Variants in OR1J2 observed in about 807,000 individuals in gnomAD.
The protein encoded by OR1J2 is olfactory receptor family 1 subfamily J member 2, also known as olfactory receptor 1J2.
For missense variants in OR1J2, 304 were observed against 246.1 expected (o/e 1.24, Z -1.57); for synonymous variants, 142 against 99.7 (o/e 1.42, Z -2.52).
the OR1J2 span, chr9:122,447,559 G>A: frequency 6.6e-6 from 1 of 152,036 alleles, no homozygotes; most frequent in Non-Finnish European, 1.5e-5. Context: ...CGTATCAAAT[G>A]AGACAAGGGC....
At chr9:122,526,956 A>C in the OR1J2 span, 1 of 1,614,248 alleles carries the variant, frequency 6.2e-7, no homozygotes, top group Non-Finnish European at 8.5e-7. Context: ...CATGGCAGCC[A>C]GGAAGAAGCT....
At chr9:122,487,817 G>C in the OR1J2 span, among the ~76,000 whole-genome samples, 1 of 152,130 alleles carries the variant, frequency 6.6e-6, no homozygotes, top group Admixed American at 6.5e-5. Context: ...ATGTGCCTTT[G>C]CCGGACACCA....
the OR1J2 span, among the ~76,000 whole-genome samples, chr9:122,538,743 C>T: frequency 1.3e-5 from 2 of 152,154 alleles, no homozygotes; most frequent in Admixed American, 6.5e-5. Flanking sequence ...ATGTCCTTTG[C>T]AGCAACATGG....
chr9:122,462,895 T>C, the OR1J2 span, among the ~76,000 whole-genome samples: 1 of 152,240 alleles, frequency 6.6e-6, no homozygotes, highest in Non-Finnish European at 1.5e-5. Context: ...TTCATGACTA[T>C]GTACCAAGGC....
the OR1J2 span, among the ~76,000 whole-genome samples, chr9:122,546,629 C>T: frequency 1.3e-5 from 2 of 152,134 alleles, no homozygotes; most frequent in Non-Finnish European, 2.9e-5. Context: ...AGATCCTCTT[C>T]TTTCACTTTA....
the OR1J2 span, among the ~76,000 whole-genome samples, chr9:122,530,031 C>T: frequency 6.6e-6 from 1 of 152,200 alleles, no homozygotes; most frequent in East Asian, 1.9e-4. Flanking sequence ...ATACAAATGG[C>T]AAACAGCTGG....
At chr9:122,553,281 C>T in the OR1J2 span, 8 of 1,613,764 alleles carry the variant, frequency 5.0e-6, no homozygotes, top group Non-Finnish European at 6.8e-6. Context: ...CTCTGAGTGG[C>T]CAGAGGAGCA....
chr9:122,493,773 G>A, the OR1J2 span, among the ~76,000 whole-genome samples: 3 of 152,038 alleles, frequency 2.0e-5, no homozygotes, highest in African/African-American at 2.4e-5. Flanking sequence ...CCAGTTCCAT[G>A]AGGTGTGATC....
chr9:122,537,918 G>T, the OR1J2 span, among the ~76,000 whole-genome samples: 4 of 152,094 alleles, frequency 2.6e-5, no homozygotes, highest in South Asian at 6.2e-4. Flanking sequence ...AGTGATGAGG[G>T]CTGGGCATCT....
the OR1J2 span, among the ~76,000 whole-genome samples, chr9:122,539,876 C>T: frequency 1.3e-3 from 201 of 152,248 alleles, no homozygotes; most frequent in African/African-American, 4.7e-3. Flanking sequence ...TGATGATGAG[C>T]ATTTTTTCAT....
chr9:122,551,684 G>C, the OR1J2 span, among the ~76,000 whole-genome samples: 35,090 of 151,890 alleles, frequency 0.23, 4,229 homozygotes, highest in Middle Eastern at 0.29. Context: ...GGGAAAGAGA[G>C]GTCCTCAGCT....
the OR1J2 span, among the ~76,000 whole-genome samples, chr9:122,555,553 C>G: frequency 6.6e-6 from 1 of 152,148 alleles, no homozygotes; most frequent in African/African-American, 2.4e-5. Context: ...AAGATCCCCA[C>G]CTTTGCCCTC....
chr9:122,472,783 A>G, the OR1J2 span, among the ~76,000 whole-genome samples: 1 of 152,134 alleles, frequency 6.6e-6, no homozygotes, highest in African/African-American at 2.4e-5. Context: ...ACTCCCTCTG[A>G]CCTCATTGAG....
At chr9:122,527,439 C>T in the OR1J2 span, 7 of 606,454 alleles carry the variant, frequency 1.2e-5, no homozygotes, top group African/African-American at 1.1e-4. Context: ...CTTCTTTTCT[C>T]TCTTCATCAG....
At chr9:122,448,679 A>G in the OR1J2 span, among the ~76,000 whole-genome samples, 8 of 152,240 alleles carry the variant, frequency 5.3e-5, no homozygotes, top group South Asian at 1.7e-3. Flanking sequence ...AATGGTGATG[A>G]CTTTTACCCA....
the OR1J2 span, among the ~76,000 whole-genome samples, chr9:122,556,376 A>G: frequency 1.3e-5 from 2 of 152,010 alleles, no homozygotes; most frequent in African/African-American, 4.8e-5. Flanking sequence ...CTTTGTCAAA[A>G]ATCAGTTGAC....
the OR1J2 span, among the ~76,000 whole-genome samples, chr9:122,462,120 G>A: frequency 1.3e-5 from 2 of 152,112 alleles, no homozygotes; most frequent in East Asian, 3.9e-4. Flanking sequence ...GCATATATAT[G>A]TGGAATTGTC....
At chr9:122,468,655 G>A in the OR1J2 span, among the ~76,000 whole-genome samples, 1 of 152,108 alleles carries the variant, frequency 6.6e-6, no homozygotes, top group South Asian at 2.1e-4. Flanking sequence ...ATCTCCTGTG[G>A]ATTCCCTCTC....
chr9:122,476,733 T>A, the OR1J2 span, among the ~76,000 whole-genome samples: 6 of 151,934 alleles, frequency 3.9e-5, no homozygotes, highest in African/African-American at 1.5e-4. Flanking sequence ...TTTGACAGAG[T>A]CTTGCTCTGT....
Sources: gnomAD v4.1 joint callset for allele counts (sites outside exome capture counted in the v4.1 genomes callset) on GRCh38, gnomAD v4.1.1 for gene constraint, MANE v1.5 for transcripts, NCBI Gene and HGNC (gene_info 2026-07-23, HGNC 2026-07-21) for gene names.